CRYBG1: variants seen among roughly 807,000 people sequenced by gnomAD.
The protein encoded by CRYBG1 is crystallin beta-gamma domain containing 1, also known as beta/gamma crystallin domain-containing protein 1.
CRYBG1 carries 139 observed loss-of-function variants against 189.2 expected under a neutral mutation model. That is an observed-to-expected ratio of 0.73 (90% confidence interval 0.64 to 0.85). CRYBG1 has a LOEUF of 0.85. CRYBG1 is among the 40% of genes least tolerant of loss of function. The pLI is 0.00. For missense variants in CRYBG1, 2,611 were observed against 2,675.8 expected, an observed-to-expected ratio of 0.98 and a Z score of 0.53; for synonymous variants, 1,023 against 1,017.1, an observed-to-expected ratio of 1.01 and a Z score of -0.11.
chr6:106,390,435 C>T (rs1054995794), intron 1 of CRYBG1, among the ~76,000 whole-genome samples: 1 of 151,810 alleles, frequency 6.6e-6, no homozygotes, highest in African/African-American at 2.4e-5. Flanking sequence ...CCCTTCTTTC[C>T]CTTCTAATTG....
At chr6:106,373,320 CAA>C (rs1304963357) in intron 1 of CRYBG1, among the ~76,000 whole-genome samples, 1 of 152,124 alleles carries the variant, frequency 6.6e-6, no homozygotes, top group East Asian at 1.9e-4. Context: ...AATCTAGCCA[CAA>C]AGTCTTAGTA....
At position 106,563,853 on chromosome 6, in the gene CRYBG1, C is replaced by A; in HGVS notation, c.6228C>A (p.Ser2076Arg). The A allele has an allele frequency of 6.2e-7, 1 of 1,613,634 alleles. No individual in the cohort carries two copies. The highest frequency in any genetic ancestry group is 1.1e-5 in the South Asian group (1 of 91,058). Reference sequence around the variant, plus strand: ...TGGCCCTGGACCAGAATGCTGACAGCCAGTTCTGGAGCTTGAAGTCCGATG... The same window carrying A: ...TGGCCCTGGACCAGAATGCTGACAGACAGTTCTGGAGCTTGAAGTCCGATG... The part of the protein sequence containing the change: ...LGLALDQNAD[S>R]QFWSLKSDGR... Residue 2076 changes from serine (S) to arginine (R), a missense_variant, in exon 21 of 22, where the codon AGC (serine) becomes AGA (arginine). Around this residue, in one of 3 missense-constraint regions of CRYBG1, gnomAD observed 1,622 missense variants for 1,735.0 expected, o/e 0.93. Coordinates refer to ENST00000633556, the MANE Select transcript of CRYBG1 (RefSeq NM_001371242.2).
At chr6:106,459,452 T>A (rs1771957128) in intron 2 of CRYBG1, among the ~76,000 whole-genome samples, 1 of 151,988 alleles carries the variant, frequency 6.6e-6, no homozygotes, top group South Asian at 2.1e-4. Flanking sequence ...TTAAATTCTT[T>A]CCTCACCCTG....
chr6:106,548,387 G>C, intron 13 of CRYBG1, among the ~76,000 whole-genome samples: 1 of 152,156 alleles, frequency 6.6e-6, no homozygotes, highest in East Asian at 1.9e-4. Context: ...TTGTTTTCCA[G>C]CTTCAGCTTC....
rs182193039 is a variant in CRYBG1, at chr6:106,519,813, T to C, written c.2605T>C (p.Ser869Pro). The change falls in exon 4 of 22, where the codon TCT becomes CCT. Residue 869 changes from serine to proline, a missense_variant. By Grantham distance (74) the Ser-to-Pro change is moderately conservative. Transcript: ENST00000633556. Reference sequence around the variant, plus strand: ...TGACTCACAGTCCCCTGCTGAGTCATCTCCTGGGCCTTCTCTTTCACTGTC... The same window carrying C: ...TGACTCACAGTCCCCTGCTGAGTCACCTCCTGGGCCTTCTCTTTCACTGTC... ...FSDSQSPAES[S>P]PGPSLSLSAP... 1.4e-5 allele frequency: 23 copies of C among 1,614,046 alleles called. No homozygotes were observed. Among genetic ancestry groups the C allele is most frequent in the African/African-American group, 2.7e-5 (2 of 74,912 alleles).
intron 2 of CRYBG1, among the ~76,000 whole-genome samples, chr6:106,469,207 C>T (rs1217159262): frequency 2.0e-5 from 3 of 152,196 alleles, no homozygotes; most frequent in Admixed American, 6.5e-5. Context: ...AATGCACTTG[C>T]CCCTGTCCTC....
chr6:106,512,917 G>A lies in CRYBG1; in HGVS notation c.1800G>A (p.Glu600=). Residue 600 remains glutamate (E), a synonymous_variant, in exon 3 of 22, where the codon GAG becomes GAA. Transcript: ENST00000633556. ...PLPNHFNGRA[E]GGRSRELGRA... is the part of the protein sequence containing the mutation. ...CCAACCACTTCAACGGCCGGGCAGA[G>A]GGAGGTCGAAGCAGAGAGCTGGGCA... The A allele has an allele frequency of 6.2e-7, 1 of 1,607,428 alleles. No individual in the cohort carries two copies.
chr6:106,535,433 T>C (rs1481424907), intron 8 of CRYBG1, among the ~76,000 whole-genome samples: 2 of 152,248 alleles, frequency 1.3e-5, no homozygotes, highest in Non-Finnish European at 2.9e-5. Context: ...ATTTGTGTTA[T>C]TTTTCTGAGC....
chr6:106,527,159 G>A, intron 6 of CRYBG1, 146 bp from the exon 7 acceptor site: 1 of 557,008 alleles, frequency 1.8e-6, no homozygotes, highest in Non-Finnish European at 3.0e-6. Context: ...TTAGTGTTAG[G>A]GAGAGTTTAA....
chr6:106,464,899 T>C (rs915068432), intron 2 of CRYBG1, among the ~76,000 whole-genome samples: 1 of 152,224 alleles, frequency 6.6e-6, no homozygotes, highest in Non-Finnish European at 1.5e-5. Flanking sequence ...ATATGCATCA[T>C]AAAAATAAAA....
chr6:106,471,814 AAAG>A (rs1554238645), intron 2 of CRYBG1, among the ~76,000 whole-genome samples: 5 of 149,838 alleles, frequency 3.3e-5, no homozygotes, highest in African/African-American at 9.8e-5. Flanking sequence ...AAAAAAAAAA[AAAG>A]AAGAAGAAAA....
chr6:106,420,022 A>T (rs577477241), intron 1 of CRYBG1, among the ~76,000 whole-genome samples: 1 of 152,336 alleles, frequency 6.6e-6, no homozygotes, highest in Non-Finnish European at 1.5e-5. Context: ...ACATCAACTT[A>T]CAACAAGGCA....
At chr6:106,366,506 A>G (rs1471385039) in intron 1 of CRYBG1, among the ~76,000 whole-genome samples, 1 of 152,194 alleles carries the variant, frequency 6.6e-6, no homozygotes, top group Non-Finnish European at 1.5e-5. Flanking sequence ...TTTTTTAAAA[A>G]TGACTAGCCT....
chr6:106,388,955 G>T (rs1213925508), intron 1 of CRYBG1, among the ~76,000 whole-genome samples: 2 of 152,154 alleles, frequency 1.3e-5, no homozygotes, highest in East Asian at 3.8e-4. Flanking sequence ...TAAAGAGACT[G>T]TGCCTAAGCA....
At position 106,569,966 on chromosome 6, in the gene CRYBG1, T is replaced by A. The variant is rs548973414; in HGVS notation, c.*1400T>A. The A allele has an allele frequency of 1.3e-5, 2 of 152,336 alleles. No homozygotes were observed. The highest frequency in any genetic ancestry group is 1.3e-4 in the Admixed American group (2 of 15,306). The allele number at this position is 152,336 out of a possible 1,614,324, so 9.4% of individuals were successfully genotyped here. On this transcript the variant is annotated 3_prime_UTR_variant, in exon 22 of 22. Transcript: ENST00000633556. ...GATTTGACCGGAGTCAAATCAATCT[T>A]CAAGCAATCTTGGAATCCTCAACTG...
intron 2 of CRYBG1, among the ~76,000 whole-genome samples, chr6:106,503,516 A>G (rs1286938192): frequency 1.3e-5 from 2 of 152,230 alleles, no homozygotes; most frequent in Non-Finnish European, 2.9e-5. Context: ...ACAAGAAAAA[A>G]TACTGAGCTA....
Position 106,544,661 on chromosome 6 carries a change from C to CA in CRYBG1, c.5132dup (p.Asn1711LysfsTer13), listed in dbSNP as rs1562113087. 5 of 1,614,024 alleles carry CA rather than the reference C, an allele frequency of 3.1e-6. No individual in the cohort carries two copies. Among genetic ancestry groups the CA allele is most frequent in the Non-Finnish European group, 4.2e-6 (5 of 1,179,984 alleles). ...GGGACTGGAAAGCCTGGGGAGGTTA[C>CA]AATGGAGAGCTTCAGTCTTTACGAC... On this transcript the variant is annotated frameshift_variant, in exon 12 of 22. Coordinates refer to ENST00000633556, the MANE Select transcript of CRYBG1 (RefSeq NM_001371242.2). LOFTEE classifies it high-confidence loss of function.
chr6:106,519,661 C>G lies in CRYBG1; in HGVS notation c.2453C>G (p.Ser818Ter), dbSNP rs1380189649. ...CATAAGCTCTTAGAGAAGGAGGACT[C>G]AGAGGCTGCAGACAGCAAAAGCCTT... ...KDHKLLEKED[S>*]EAADSKSLVL... Residue 818 changes from serine (S) to a stop codon, truncating the protein, a stop_gained, in exon 4 of 22, where the codon TCA (serine) becomes TGA (stop). Transcript: ENST00000633556. LOFTEE classifies it high-confidence loss of function. 2 of 1,614,132 alleles carry G rather than the reference C, an allele frequency of 1.2e-6. No individual in the cohort carries two copies. The highest frequency in any genetic ancestry group is 1.7e-6 in the Non-Finnish European group (2 of 1,179,960).
chr6:106,427,212 C>T (rs1479478310), intron 1 of CRYBG1, among the ~76,000 whole-genome samples: 1 of 152,276 alleles, frequency 6.6e-6, no homozygotes, highest in South Asian at 2.1e-4. Context: ...TTTATATCCC[C>T]AATATCCATC....
Sources: allele counts gnomAD v4.1 joint callset (sites outside exome capture counted in the v4.1 genomes callset), GRCh38; gene constraint gnomAD v4.1.1; regional missense constraint gnomAD v4.1.1; transcripts MANE v1.5; gene names NCBI Gene and HGNC (gene_info 2026-07-23, HGNC 2026-07-21).